The following SGTA variants were observed in gnomAD, a reference collection of about 807,000 sequenced individuals.
The protein encoded by SGTA is small glutamine-rich tetratricopeptide repeat-containing protein alpha.
Under a neutral mutation model 44.3 loss-of-function variants are expected in SGTA, and 22 were observed. The observed-to-expected ratio is 0.50, with a 90% CI of 0.36 to 0.71. The LOEUF is 0.71. Ranked by LOEUF, SGTA falls within the 30% of genes least tolerant of loss-of-function variation. SGTA has a pLI of 0.00. For synonymous variants in SGTA, 174 were observed against 177.6 expected, an observed-to-expected ratio of 0.98 and a Z score of 0.16; for missense variants, 341 against 435.9, an observed-to-expected ratio of 0.78 and a Z score of 1.94.
chr19:2,772,878 G>A lies in SGTA; in HGVS notation c.-23-3787C>T, dbSNP rs544343182. 1.5e-4 allele frequency among the ~76,000 whole-genome samples: 15 copies of A among 99,872 alleles called. 1 individual carries two copies. The East Asian group carries it at 5.9e-3, about 39-fold the overall frequency. The allele number at this position is 99,872 out of a possible 152,430, so 65.5% of individuals were successfully genotyped here. A position where few individuals can be genotyped will look rare whatever the true frequency, so the allele number is the denominator to read the frequency against. Reference sequence around the variant, plus strand: ...GACGCGGCCACAGGGCAGGGACACCGAGGGCAGAAATGGGTGACGCGGCCA... The same window carrying A: ...GACGCGGCCACAGGGCAGGGACACCAAGGGCAGAAATGGGTGACGCGGCCA... On this transcript the variant is annotated intron_variant, in intron 1 of 11. Coordinates refer to ENST00000221566, the MANE Select transcript of SGTA (RefSeq NM_003021.4).
chr19:2,762,434 C>G, intron 7 of SGTA, 72 bp downstream of exon 7: 1 of 1,511,426 alleles, frequency 6.6e-7, no homozygotes. Context: ...GCCACTGGTG[C>G]GCCCGAGGAC....
intron 1 of SGTA, chr19:2,770,730 G>GCCGC (rs1264103927): frequency 6.5e-6 from 1 of 152,916 alleles, no homozygotes; most frequent in African/African-American, 2.4e-5. Context: ...CACGGAGACG[G>GCCGC]CCGCGTGAAG....
rs890165184 is a variant in SGTA, at chr19:2,754,744, C to G, written c.*1196G>C. On this transcript the variant is annotated 3_prime_UTR_variant, in exon 12 of 12. Transcript: ENST00000221566. This position sits in a 1 kb window ranked among gnomAD's most constrained non-coding sequence, Gnocchi z 4.4. ...TCACAACGCCTATTTATTCCCCACA[C>G]GTCACGCCCTGCACCCCGGGTGGGC... The G allele has an allele frequency of 4.6e-5, 7 of 152,184 alleles. No individual in the cohort carries two copies. Among genetic ancestry groups the G allele is most frequent in the Admixed American group, 1.3e-4 (2 of 15,288 alleles). 9.4% of individuals were successfully genotyped at this position (152,184 alleles called of 1,614,324 possible). A position where few individuals can be genotyped will look rare whatever the true frequency, so the allele number is the denominator to read the frequency against.
At chr19:2,775,674 GC>G (rs1371631894) in intron 1 of SGTA, among the ~76,000 whole-genome samples, 3 of 152,222 alleles carry the variant, frequency 2.0e-5, no homozygotes, top group Non-Finnish European at 4.4e-5. Context: ...GGGTGCCGGG[GC>G]TTGGGGAGGG....
At chr19:2,771,800 G>A (rs1032648662) in intron 1 of SGTA, among the ~76,000 whole-genome samples, 1 of 152,258 alleles carries the variant, frequency 6.6e-6, no homozygotes, top group Non-Finnish European at 1.5e-5. Flanking sequence ...TGGTGCTGGC[G>A]CATGGAGGGG....
intron 1 of SGTA, among the ~76,000 whole-genome samples, chr19:2,774,853 C>T (rs566143662): frequency 2.0e-5 from 3 of 152,180 alleles, no homozygotes; most frequent in East Asian, 1.9e-4. Flanking sequence ...AAGCTGTGTG[C>T]GCGCGCATGT....
chr19:2,778,644 G>C (rs1035098738), intron 1 of SGTA, among the ~76,000 whole-genome samples: 23 of 152,158 alleles, frequency 1.5e-4, no homozygotes, highest in African/African-American at 5.3e-4. Flanking sequence ...GGATCCCCAA[G>C]AGACTCTGTG....
chr19:2,771,657 C>A (rs988388263), intron 1 of SGTA, among the ~76,000 whole-genome samples: 7 of 150,986 alleles, frequency 4.6e-5, no homozygotes, highest in African/African-American at 1.7e-4. Flanking sequence ...TGGACGGGTG[C>A]TGGTGCACCC....
chr19:2,762,734 C>T lies in SGTA; in HGVS notation c.498-90G>A, dbSNP rs975511084. 2.0e-6 allele frequency: 3 copies of T among 1,489,690 alleles called. No homozygotes were observed. The South Asian group carries it at 3.6e-5, about 18-fold the overall frequency. 92.3% of individuals were successfully genotyped at this position (1,489,690 alleles called of 1,614,324 possible). A position where few individuals can be genotyped will look rare whatever the true frequency, so the allele number is the denominator to read the frequency against. ...CCTCGTCCCCGGCGGTCCTGGCAAC[C>T]CCCAAACCACCTCGGATGGTGCCAC... On this transcript the variant is annotated intron_variant, in intron 6 of 11. Transcript: ENST00000221566.
At position 2,767,827 on chromosome 19, in the gene SGTA, G is replaced by A. The variant is rs1437354915; in HGVS notation, c.101-141C>T. The A allele has an allele frequency of 4.4e-6, 3 of 676,166 alleles. No homozygotes were observed. Among genetic ancestry groups the A allele is most frequent in the South Asian group, 3.3e-5 (2 of 60,132 alleles). The allele number at this position is 676,166 out of a possible 1,614,324, so 41.9% of individuals were successfully genotyped here. On this transcript the variant is annotated intron_variant, in intron 2 of 11. Transcript: ENST00000221566. This position sits in a 1 kb window ranked among gnomAD's most constrained non-coding sequence, Gnocchi z 7.3. ...CCCCAGAACGCAGGGGCCGCCGCCT[G>A]TGCTCTGGGCTGGGACAGTGGACCC... is the stretch of plus-strand genomic sequence containing the variant.
rs10414847 is a variant in SGTA, at chr19:2,757,244, G to A, written c.*6+93C>T. On this transcript the variant is annotated intron_variant, in intron 11 of 11. Coordinates refer to ENST00000221566, the MANE Select transcript of SGTA (RefSeq NM_003021.4). ...TGTCCAGACAGGCTCCACAGCCCCC[G>A]GGCGTCACTCCTGCTGGCTGCCCTC... 5,806 of 1,451,742 alleles carry A rather than the reference G, an allele frequency of 4.0e-3. 195 individuals are homozygous for A. In the African/African-American group the frequency reaches 0.073, roughly 18 times the overall value. The allele number at this position is 1,451,742 out of a possible 1,614,324, so 89.9% of individuals were successfully genotyped here.
In SGTA at chr19:2,763,535, G is replaced by C; in HGVS notation, c.497+118C>G. On this transcript the variant is annotated intron_variant, in intron 6 of 11. Transcript: ENST00000221566. This position sits in a 1 kb window ranked among gnomAD's most constrained non-coding sequence, Gnocchi z 5.8. ...GAACAGCTAGTGTCAGAGTTGAACT[G>C]AACCGGGGTGGGAGAATTCGTTGTG... 1.5e-6 allele frequency: 1 copy of C among 685,704 alleles called. No homozygotes were observed. The highest frequency in any genetic ancestry group is 2.5e-6 in the Non-Finnish European group (1 of 404,252). 42.5% of individuals were successfully genotyped at this position (685,704 alleles called of 1,614,324 possible).
chr19:2,771,575 C>CGGGGGGGG (rs5741784), intron 1 of SGTA, among the ~76,000 whole-genome samples: 9 of 109,292 alleles, frequency 8.2e-5, no homozygotes, highest in African/African-American at 3.4e-4. Flanking sequence ...ACCTCCCCAT[C>CGGGGGGGG]GGGGGGGGGG....
At chr19:2,776,561 G>T (rs1270917548) in intron 1 of SGTA, among the ~76,000 whole-genome samples, 2 of 152,214 alleles carry the variant, frequency 1.3e-5, no homozygotes, top group African/African-American at 2.4e-5. Flanking sequence ...GTTTCATGGG[G>T]ACAGAATTTC....
Position 2,767,666 on chromosome 19 carries a change from T to C in SGTA, c.121A>G (p.Thr41Ala), listed in dbSNP as rs1353093366. ...SLEVAIQCLE[T>A]AFGVTVEDSD... Reference sequence around the variant, plus strand: ...TCTTCTACCGTCACCCCAAACGCAGTCTCCAGGCACTGGATGGCGACTGAA... The same window carrying C: ...TCTTCTACCGTCACCCCAAACGCAGCCTCCAGGCACTGGATGGCGACTGAA... The change falls in exon 3 of 12, where the codon ACT becomes GCT. Residue 41 changes from threonine (T) to alanine (A), a missense_variant. Coordinates refer to ENST00000221566, the MANE Select transcript of SGTA (RefSeq NM_003021.4). The surrounding 1 kb of genome is among the most constrained non-coding windows in gnomAD (Gnocchi z 7.3). The C allele has an allele frequency of 1.2e-6, 2 of 1,613,658 alleles. No individual in the cohort carries two copies. Among genetic ancestry groups the C allele is most frequent in the Non-Finnish European group, 1.7e-6 (2 of 1,179,910 alleles).
chr19:2,760,145 C>T (rs116017355), intron 8 of SGTA, among the ~76,000 whole-genome samples: 3,900 of 152,050 alleles, frequency 0.026, 157 homozygotes, highest in African/African-American at 0.087. Context: ...GGGTGCCTGA[C>T]GCAACTACTC....
At chr19:2,782,078 G>A (rs949598127) in intron 1 of SGTA, among the ~76,000 whole-genome samples, 6 of 152,156 alleles carry the variant, frequency 3.9e-5, no homozygotes, top group African/African-American at 1.2e-4. Flanking sequence ...CTGACCTCAG[G>A]TCATCAGCCC....
chr19:2,771,939 G>A (rs540696430), intron 1 of SGTA, among the ~76,000 whole-genome samples: 1 of 152,346 alleles, frequency 6.6e-6, no homozygotes, highest in South Asian at 2.1e-4. Flanking sequence ...GCCTTCCCTG[G>A]AATCCACTCC....
chr19:2,771,510 A>G (rs149166724), intron 1 of SGTA, among the ~76,000 whole-genome samples: 1 of 149,078 alleles, frequency 6.7e-6, no homozygotes, highest in South Asian at 2.1e-4. Context: ...AGGGGAAGCG[A>G]CTTAACTCTG....
Sources: allele counts gnomAD v4.1 joint callset (sites outside exome capture counted in the v4.1 genomes callset), GRCh38; gene constraint gnomAD v4.1.1; non-coding constraint Gnocchi (gnomAD v3.1); transcripts MANE v1.5; gene names NCBI Gene and HGNC (gene_info 2026-07-23, HGNC 2026-07-21).